DERPC: variants seen among roughly 807,000 people sequenced by gnomAD.
DERPC encodes DERPC proline and glycine rich nuclear protein.
Under a neutral mutation model 7.2 loss-of-function variants are expected in DERPC, and 1 was observed. That is an observed-to-expected ratio of 0.14 (90% CI 0.05 to 0.66). The LOEUF is 0.66. DERPC is among the 30% of genes least tolerant of loss of function. DERPC has a pLI of 0.84. For synonymous variants in DERPC, 185 were observed against 117.6 expected (o/e 1.57, Z -3.71); for missense variants, 502 against 299.4 (o/e 1.68, Z -4.99).
At chr16:69,122,907 G>GACCTCAGGTGATCCACCC (rs1029935680) in intron 1 of DERPC, among the ~76,000 whole-genome samples, 4 of 151,908 alleles carry the variant, frequency 2.6e-5, no homozygotes, top group African/African-American at 9.7e-5. Context: ...TCAAACTCCT[G>GACCTCAGGTGATCCACCC]ACCTCAGGTG....
At chr16:69,121,375 G>T in intron 2 of DERPC, 61 bp downstream of exon 2, 1 of 1,442,662 alleles carries the variant, frequency 6.9e-7, no homozygotes, top group South Asian at 1.2e-5. Context: ...CCAGACACAT[G>T]GCACACCTCT....
chr16:69,128,607 TTTTTTCCCCTCAAAAAGGCAC>T (rs1962261769), intron 1 of DERPC, among the ~76,000 whole-genome samples: 1 of 152,146 alleles, frequency 6.6e-6, no homozygotes, highest in Non-Finnish European at 1.5e-5. Flanking sequence ...TAAAGGAAAC[TTTTTTCCCCTCAAAAAGGCAC>T]CAGCATTCAA....
chr16:69,127,905 C>T (rs1205938504), intron 1 of DERPC, among the ~76,000 whole-genome samples: 1 of 151,104 alleles, frequency 6.6e-6, no homozygotes, highest in African/African-American at 2.4e-5. Flanking sequence ...CCACCGTGCC[C>T]GGCCAAATTT....
chr16:69,118,503 G>A lies in DERPC; in HGVS notation c.*351C>T, dbSNP rs907808386. On this transcript the variant is annotated 3_prime_UTR_variant, in exon 3 of 3. Transcript: ENST00000519520. ...GTGAGCAGGGGACTACATGTGAACTGGGACCTGCAGGCCAATGTATCCCTG... is the reference window on the plus strand; with the variant it reads ...GTGAGCAGGGGACTACATGTGAACTAGGACCTGCAGGCCAATGTATCCCTG... 9 of 1,154,618 alleles carry A rather than the reference G, an allele frequency of 7.8e-6. No homozygotes were observed. The highest frequency in any genetic ancestry group is 1.2e-5 in the Non-Finnish European group (9 of 759,926). 71.5% of individuals were successfully genotyped at this position (1,154,618 alleles called of 1,614,324 possible).
chr16:69,125,954 GT>G (rs943339221), intron 1 of DERPC, among the ~76,000 whole-genome samples: 13 of 152,268 alleles, frequency 8.5e-5, no homozygotes, highest in Non-Finnish European at 1.6e-4. Context: ...GATGAACTAA[GT>G]TTTTTGAGAC....
chr16:69,126,235 T>C lies in DERPC; in HGVS notation c.-279-4742A>G, dbSNP rs549914614. On this transcript the variant is annotated intron_variant, in intron 1 of 2. Transcript: ENST00000519520. ...AGGGAAGGAGACAGAGCCTACTTCC[T>C]GACAACCAAAATCAATCGTTAAGCA... 5.9e-5 allele frequency among the ~76,000 whole-genome samples: 9 copies of C among 152,336 alleles called. No individual in the cohort carries two copies. The South Asian group carries it at 1.0e-3, about 18-fold the overall frequency.
chr16:69,127,129 T>C (rs763405800), intron 1 of DERPC, among the ~76,000 whole-genome samples: 1 of 151,496 alleles, frequency 6.6e-6, no homozygotes, highest in Non-Finnish European at 1.5e-5. Flanking sequence ...TCCCAGCTAC[T>C]CGGGAGGCTG....
At chr16:69,121,166 T>C (rs1483348100) in intron 2 of DERPC, 1 of 1,612,010 alleles carries the variant, frequency 6.2e-7, no homozygotes, top group East Asian at 2.2e-5. Flanking sequence ...CCTCCAGCCC[T>C]CGCACTGCAA....
intron 1 of DERPC, among the ~76,000 whole-genome samples, chr16:69,122,709 T>C (rs1961770306): frequency 6.6e-6 from 1 of 152,040 alleles, no homozygotes; most frequent in African/African-American, 2.4e-5. Context: ...GCCTGGCTAA[T>C]TTTTGTATTT....
In DERPC at chr16:69,118,460, T is replaced by C. The variant is rs376562006; in HGVS notation, c.*394A>G. The C allele has an allele frequency of 6.3e-7, 1 of 1,584,350 alleles. No individual in the cohort carries two copies. Among genetic ancestry groups the C allele is most frequent in the Admixed American group, 1.7e-5 (1 of 59,954 alleles). ...CCAACGCCACGTTTCTAGAGAGCAG[T>C]GAGCTGATTCTCCAATGGTGAGCAG... On this transcript the variant is annotated 3_prime_UTR_variant, in exon 3 of 3. Coordinates refer to ENST00000519520, the MANE Select transcript of DERPC (RefSeq NM_001002847.4).
At chr16:69,121,203 T>C (rs757823397) in intron 2 of DERPC, 2 of 1,589,488 alleles carry the variant, frequency 1.3e-6, no homozygotes, top group Non-Finnish European at 1.7e-6. Flanking sequence ...TACAATATTT[T>C]TGAGGGGTGA....
intron 1 of DERPC, chr16:69,132,134 C>T: frequency 6.4e-6 from 1 of 155,638 alleles, no homozygotes; most frequent in Non-Finnish European, 1.4e-5. Flanking sequence ...CCTCCGCCCG[C>T]GCTCGGCCAC....
At position 69,119,627 on chromosome 16, in the gene DERPC, C is replaced by T. The variant is rs745817603; in HGVS notation, c.802G>A (p.Ala268Thr). 12 of 690,594 alleles carry T rather than the reference C, an allele frequency of 1.7e-5. No homozygotes were observed. Among genetic ancestry groups the T allele is most frequent in the South Asian group, 1.6e-4 (11 of 66,704 alleles). The allele number at this position is 690,594 out of a possible 1,614,324, so 42.8% of individuals were successfully genotyped here. ...GCAAGATCGAGGCCTTGAGGTCCAG[C>T]CATTCTTAAGTTAAGACCAGATCCT... ...GTGSGLNLRMAGPQGLDLAPI... is the reference protein window; with the variant it reads ...GTGSGLNLRMTGPQGLDLAPI... Residue 268 changes from alanine to threonine, a missense_variant, in exon 3 of 3, where the codon GCT becomes ACT. Physicochemically the swap from Ala to Thr is moderately conservative, Grantham distance 58 (BLOSUM62 0). Transcript: ENST00000519520.
chr16:69,125,287 A>G (rs1359774960), intron 1 of DERPC, among the ~76,000 whole-genome samples: 1 of 152,178 alleles, frequency 6.6e-6, no homozygotes, highest in African/African-American at 2.4e-5. Context: ...CTGTGCATAT[A>G]TATTGGTGGT....
chr16:69,124,869 G>T (rs1191320479), intron 1 of DERPC, among the ~76,000 whole-genome samples: 1 of 151,972 alleles, frequency 6.6e-6, no homozygotes, highest in African/African-American at 2.4e-5. Flanking sequence ...TCTACTCCTA[G>T]AGCACCAAAC....
Position 69,119,683 on chromosome 16 carries a change from A to AGCT in DERPC, c.745_746insAGC (p.Asn248_Leu249insGln). The AGCT allele has an allele frequency of 1.5e-6, 1 of 675,726 alleles. No individual in the cohort carries two copies. The highest frequency in any genetic ancestry group is 1.5e-5 in the South Asian group (1 of 64,654). 41.9% of individuals were successfully genotyped at this position (675,726 alleles called of 1,614,324 possible). A position where few individuals can be genotyped will look rare whatever the true frequency, so the allele number is the denominator to read the frequency against. On this transcript the variant is annotated inframe_insertion, in exon 3 of 3. Coordinates refer to ENST00000519520, the MANE Select transcript of DERPC (RefSeq NM_001002847.4). ...CAAGAGGCCACCTGCTCTGGCATCT[A>AGCT]GATTAGGGCCTGGGCCCAGGCCACT...
chr16:69,123,925 T>TAAAAAAA (rs757493986), intron 1 of DERPC, among the ~76,000 whole-genome samples: 1 of 76,956 alleles, frequency 1.3e-5, no homozygotes, highest in Non-Finnish European at 2.5e-5. Flanking sequence ...CCATCTCTAC[T>TAAAAAAA]AAAAAAAAAA....
rs1222395450 is a variant in DERPC, at chr16:69,132,471, C to A, written c.-280+13G>T. ...TCCCCGCAGCCTCCCGTGCCCCCCG[C>A]CCGCGGCCTGACCTGCAATGGCGGC... On this transcript the variant is annotated intron_variant, in intron 1 of 2. Transcript: ENST00000519520. The A allele has an allele frequency of 4.4e-6, 1 of 225,904 alleles. No individual in the cohort carries two copies. The highest frequency in any genetic ancestry group is 8.6e-6 in the Non-Finnish European group (1 of 116,720). The allele number at this position is 225,904 out of a possible 1,614,324, so 14.0% of individuals were successfully genotyped here. A position where few individuals can be genotyped will look rare whatever the true frequency, so the allele number is the denominator to read the frequency against.
chr16:69,126,431 T>C lies in DERPC; in HGVS notation c.-279-4938A>G, dbSNP rs576030390. ...CCAATCCCCCATGCCTCAATAACAA[T>C]GCACACCTTTACACACTGATGCAGG... On this transcript the variant is annotated intron_variant, in intron 1 of 2. Transcript: ENST00000519520. Among the ~76,000 whole-genome samples, 6 of 152,328 alleles carry C rather than the reference T, an allele frequency of 3.9e-5. No homozygotes were observed. The East Asian group carries it at 1.2e-3, about 29-fold the overall frequency.
Sources: allele counts gnomAD v4.1 joint callset (sites outside exome capture counted in the v4.1 genomes callset), GRCh38; gene constraint gnomAD v4.1.1; transcripts MANE v1.5; gene names NCBI Gene and HGNC (gene_info 2026-07-23, HGNC 2026-07-21).